DENND1A: variants seen among roughly 807,000 people sequenced by gnomAD.
DENND1A encodes DENN domain containing 1A, also known as DENN domain-containing protein 1A.
In DENND1A, 51 loss-of-function variants were observed where a neutral mutation model predicts 113.7. The observed-to-expected ratio is 0.45, with a 90% CI of 0.36 to 0.57. The LOEUF (loss-of-function observed/expected upper bound fraction) is 0.57, where lower values mean the gene tolerates loss of function less well. Among genes scored for constraint, DENND1A ranks in the 20% least tolerant of loss-of-function variants. The pLI, the probability that DENND1A is intolerant of heterozygous loss-of-function variation, is 0.00. For synonymous variants in DENND1A, 565 were observed against 570.8 expected (o/e 0.99, Z 0.14); for missense variants, 1,258 against 1,395.9 (o/e 0.90, Z 1.57).
intron 2 of DENND1A, among the ~76,000 whole-genome samples, chr9:123,858,269 C>T (rs554874325): frequency 1.3e-5 from 2 of 152,244 alleles, no homozygotes; most frequent in African/African-American, 4.8e-5. Context: ...TTGCAGTAGT[C>T]GACATAGTCG....
chr9:123,585,735 C>T (rs2059132560), intron 11 of DENND1A, among the ~76,000 whole-genome samples: 1 of 152,144 alleles, frequency 6.6e-6, no homozygotes, highest in Admixed American at 6.5e-5. Flanking sequence ...GGTGAGATAC[C>T]ATTATCCCCA....
chr9:123,546,632 G>T (rs1045220979), intron 13 of DENND1A, among the ~76,000 whole-genome samples: 18 of 152,098 alleles, frequency 1.2e-4, no homozygotes, highest in African/African-American at 4.1e-4. Flanking sequence ...TATAGCATGG[G>T]GAAACAGGTA....
intron 3 of DENND1A, among the ~76,000 whole-genome samples, chr9:123,789,283 T>C (rs572976811): frequency 3.3e-5 from 5 of 152,188 alleles, no homozygotes; most frequent in African/African-American, 7.2e-5. Context: ...AGAAATCACT[T>C]TGTCAGTAAT....
At chr9:123,826,885 C>A (rs1042368732) in intron 2 of DENND1A, among the ~76,000 whole-genome samples, 1 of 152,016 alleles carries the variant, frequency 6.6e-6, no homozygotes, top group Non-Finnish European at 1.5e-5. Context: ...TAGAAACAGA[C>A]GAGGAAATAC....
At chr9:123,686,079 T>C (rs2064794229) in intron 5 of DENND1A, among the ~76,000 whole-genome samples, 1 of 151,722 alleles carries the variant, frequency 6.6e-6, no homozygotes, top group Non-Finnish European at 1.5e-5. Context: ...AAAAAATCAA[T>C]GATCCCAGTC....
intron 5 of DENND1A, among the ~76,000 whole-genome samples, chr9:123,692,936 A>G (rs28660276): frequency 0.091 from 13,891 of 152,208 alleles, 1,415 homozygotes; most frequent in African/African-American, 0.25. Context: ...GTAGAGATGA[A>G]GAAACTGAGG....
chr9:123,620,232 A>AAAAAAAAAAAAAAAAAAAAAAG lies in DENND1A; in HGVS notation c.719+10143_719+10144insCTTTTTTTTTTTTTTTTTTTTT, dbSNP rs1554916729. ...CCATCTCAAAAAAAAAAAAAAAAAA[A>AAAAAAAAAAAAAAAAAAAAAAG]AAAAAAGAAAAGAAAAAGAAAAAAA... On this transcript the variant is annotated intron_variant, in intron 10 of 23. Coordinates refer to ENST00000394215, the MANE Select transcript of DENND1A (RefSeq NM_001352964.2). Among the ~76,000 whole-genome samples, 35 of 114,402 alleles carry AAAAAAAAAAAAAAAAAAAAAAG rather than the reference A, an allele frequency of 3.1e-4. 1 individual carries two copies. The highest frequency in any genetic ancestry group is 6.3e-4 in the African/African-American group (17 of 26,866). The allele number at this position is 114,402 out of a possible 152,430, so 75.1% of individuals were successfully genotyped here.
chr9:123,438,470 T>A (rs1179352986), intron 19 of DENND1A, among the ~76,000 whole-genome samples: 1 of 152,132 alleles, frequency 6.6e-6, no homozygotes, highest in Non-Finnish European at 1.5e-5. Context: ...GTTTGTCACT[T>A]TGACAGCACG....
chr9:123,688,270 G>A (rs564936159), intron 5 of DENND1A, among the ~76,000 whole-genome samples: 1 of 151,998 alleles, frequency 6.6e-6, no homozygotes, highest in East Asian at 1.9e-4. Flanking sequence ...GTACTTTTCT[G>A]GAAAAAAATC....
At chr9:123,475,752 A>G (rs1393910871) in intron 13 of DENND1A, among the ~76,000 whole-genome samples, 7 of 152,214 alleles carry the variant, frequency 4.6e-5, no homozygotes, top group African/African-American at 1.7e-4. Flanking sequence ...GAGACTAATG[A>G]TTGTTTTAAG....
intron 3 of DENND1A, among the ~76,000 whole-genome samples, chr9:123,778,342 TACAGAAG>T (rs1168637387): frequency 9.8e-5 from 15 of 152,328 alleles, no homozygotes; most frequent in Non-Finnish European, 2.2e-4. Flanking sequence ...CATCATACAG[TACAGAAG>T]TTCTTTTACC....
chr9:123,532,104 C>T (rs755786711), intron 13 of DENND1A, among the ~76,000 whole-genome samples: 1 of 152,170 alleles, frequency 6.6e-6, no homozygotes, highest in Admixed American at 6.5e-5. Flanking sequence ...AAACCCTGTA[C>T]AATCAAATGA....
chr9:123,757,898 C>A, intron 4 of DENND1A, 76 bp from the exon 5 acceptor site: 1 of 1,525,076 alleles, frequency 6.6e-7, no homozygotes, highest in South Asian at 1.2e-5. Flanking sequence ...CACAATGAGT[C>A]GTTGAACTTA....
intron 5 of DENND1A, among the ~76,000 whole-genome samples, chr9:123,721,922 C>T (rs1167291507): frequency 3.3e-5 from 5 of 152,036 alleles, no homozygotes; most frequent in East Asian, 1.9e-4. Context: ...GAAAAGATAC[C>T]CAAAAATGTG....
chr9:123,653,301 G>T (rs2062756103), intron 8 of DENND1A, among the ~76,000 whole-genome samples: 1 of 152,138 alleles, frequency 6.6e-6, no homozygotes. Context: ...CCTATCAAGT[G>T]CCAGCCACTG....
At chr9:123,513,957 C>T (rs945096278) in intron 13 of DENND1A, among the ~76,000 whole-genome samples, 1 of 152,104 alleles carries the variant, frequency 6.6e-6, no homozygotes, top group Non-Finnish European at 1.5e-5. Context: ...TTGCAAAGTG[C>T]TGGTCACCAG....
At chr9:123,919,659 A>C (rs979169913) in intron 1 of DENND1A, among the ~76,000 whole-genome samples, 3 of 150,682 alleles carry the variant, frequency 2.0e-5, no homozygotes, top group Admixed American at 1.3e-4. Flanking sequence ...AGGCAGGCAG[A>C]TCACTTGAGG....
At chr9:123,705,376 A>T (rs1323668508) in intron 5 of DENND1A, among the ~76,000 whole-genome samples, 1 of 152,192 alleles carries the variant, frequency 6.6e-6, no homozygotes, top group Non-Finnish European at 1.5e-5. Context: ...AAGGGTACAA[A>T]GAATAGGAAA....
At chr9:123,451,191 C>T (rs1451662513) in intron 17 of DENND1A, among the ~76,000 whole-genome samples, 1 of 152,302 alleles carries the variant, frequency 6.6e-6, no homozygotes, top group East Asian at 1.9e-4. Context: ...TGGGTTTCTA[C>T]AGTGCCATTT....
Sources: allele counts gnomAD v4.1 joint callset (sites outside exome capture counted in the v4.1 genomes callset), GRCh38; gene constraint gnomAD v4.1.1; transcripts MANE v1.5; gene names NCBI Gene and HGNC (gene_info 2026-07-23, HGNC 2026-07-21).